Variants in CSMD1 observed in about 807,000 individuals in gnomAD.
CSMD1 encodes the protein CUB and sushi domain-containing protein 1.
Under a neutral mutation model 417.5 loss-of-function variants are expected in CSMD1, and 213 were observed. That is an observed-to-expected ratio of 0.51 (90% CI 0.46 to 0.57). The LOEUF (loss-of-function observed/expected upper bound fraction) is 0.57. Ranked by LOEUF, CSMD1 falls within the 20% of genes least tolerant of loss-of-function variation. The pLI is 0.00. For missense variants in CSMD1, 6,923 were observed against 4,529.7 expected (o/e 1.53, Z -15.17); for synonymous variants, 2,862 against 1,736.8 (o/e 1.65, Z -16.11).
chr8:4,448,291 A>T (rs576637863), intron 2 of CSMD1, among the ~76,000 whole-genome samples: 1 of 152,302 alleles, frequency 6.6e-6, no homozygotes, highest in African/African-American at 2.4e-5. Flanking sequence ...TAACACAAAA[A>T]AGGGTACATT....
intron 3 of CSMD1, among the ~76,000 whole-genome samples, chr8:4,175,870 G>A (rs574799162): frequency 4.5e-4 from 68 of 152,260 alleles, no homozygotes; most frequent in African/African-American, 1.0e-3. Context: ...GTTACCAAGC[G>A]AGTAATGGGG....
At chr8:4,223,682 T>A (rs28667918) in intron 3 of CSMD1, among the ~76,000 whole-genome samples, 62,288 of 152,102 alleles carry the variant, frequency 0.41, 13,190 homozygotes, top group South Asian at 0.61. Context: ...GAAAAATCAT[T>A]TGACTTCCAG....
intron 23 of CSMD1, among the ~76,000 whole-genome samples, chr8:3,311,640 T>C (rs566820359): frequency 6.6e-6 from 1 of 152,338 alleles, no homozygotes; most frequent in East Asian, 1.9e-4. Flanking sequence ...GATGGTTGCA[T>C]GGGTGCCCAA....
chr8:4,922,248 G>A (rs1316279453), intron 1 of CSMD1, among the ~76,000 whole-genome samples: 1 of 152,128 alleles, frequency 6.6e-6, no homozygotes, highest in Non-Finnish European at 1.5e-5. Flanking sequence ...TCTAATGGCA[G>A]ATGATACGTA....
chr8:4,439,927 A>C (rs1798369939), intron 2 of CSMD1, among the ~76,000 whole-genome samples: 1 of 152,210 alleles, frequency 6.6e-6, no homozygotes, highest in African/African-American at 2.4e-5. Context: ...AAGGAGTAAT[A>C]ATATATGTTT....
intron 3 of CSMD1, among the ~76,000 whole-genome samples, chr8:4,175,467 A>C (rs1034478140): frequency 1.3e-5 from 2 of 152,164 alleles, no homozygotes. Context: ...TAGCAAAAGC[A>C]TCCAAAATTG....
At chr8:4,743,519 T>C (rs1261967133) in intron 1 of CSMD1, among the ~76,000 whole-genome samples, 2 of 152,160 alleles carry the variant, frequency 1.3e-5, no homozygotes, top group Non-Finnish European at 1.5e-5. Flanking sequence ...TGCTTTGAGT[T>C]CATGATGTTC....
At chr8:4,961,136 C>G (rs747692002) in intron 1 of CSMD1, among the ~76,000 whole-genome samples, 8 of 152,168 alleles carry the variant, frequency 5.3e-5, no homozygotes, top group Non-Finnish European at 1.2e-4. Context: ...CTATGATTAA[C>G]TTCTTACCTT....
intron 49 of CSMD1, among the ~76,000 whole-genome samples, chr8:3,062,247 T>C (rs1812635421): frequency 6.6e-6 from 1 of 152,134 alleles, no homozygotes; most frequent in Non-Finnish European, 1.5e-5. Context: ...CATGTAGCCA[T>C]CATCCAATAT....
chr8:4,206,833 T>G (rs567249024), intron 3 of CSMD1, among the ~76,000 whole-genome samples: 1 of 152,226 alleles, frequency 6.6e-6, no homozygotes, highest in Non-Finnish European at 1.5e-5. Context: ...GAGTGATTAT[T>G]TTGTGGGCTC....
chr8:4,048,024 T>A (rs532273751), intron 3 of CSMD1, among the ~76,000 whole-genome samples: 4 of 152,162 alleles, frequency 2.6e-5, no homozygotes, highest in African/African-American at 9.6e-5. Flanking sequence ...TCAAACCGTT[T>A]TGCCCACTAA....
chr8:3,554,049 G>A (rs942338940), intron 10 of CSMD1, among the ~76,000 whole-genome samples: 1 of 152,204 alleles, frequency 6.6e-6, no homozygotes, highest in Non-Finnish European at 1.5e-5. Context: ...AGTTTTGAAA[G>A]ATGGGATGTG....
At chr8:3,241,045 TC>T (rs1418002015) in intron 26 of CSMD1, among the ~76,000 whole-genome samples, 4 of 148,502 alleles carry the variant, frequency 2.7e-5, no homozygotes, top group Non-Finnish European at 6.0e-5. Flanking sequence ...AGTAGAGGTA[TC>T]TCATACTTGT....
At chr8:3,412,343 AAGCTGTCAGT>A (rs1812864769) in intron 12 of CSMD1, among the ~76,000 whole-genome samples, 1 of 151,856 alleles carries the variant, frequency 6.6e-6, no homozygotes, top group Non-Finnish European at 1.5e-5. Flanking sequence ...CTTTCTAATC[AAGCTGTCAGT>A]TTTGGCAATG....
chr8:3,790,721 C>G (rs745444639), intron 5 of CSMD1, among the ~76,000 whole-genome samples: 1 of 152,220 alleles, frequency 6.6e-6, no homozygotes, highest in Non-Finnish European at 1.5e-5. Context: ...GACAAAAACA[C>G]CCAAACTTCT....
intron 26 of CSMD1, chr8:3,278,256 G>C (rs529934964): frequency 3.7e-4 from 57 of 152,320 alleles, no homozygotes; most frequent in African/African-American, 1.4e-3. Flanking sequence ...AAGATAGAGA[G>C]GTAGTGCAAC....
At chr8:3,374,624 A>G (rs1810192579) in intron 18 of CSMD1, among the ~76,000 whole-genome samples, 1 of 152,180 alleles carries the variant, frequency 6.6e-6, no homozygotes. Flanking sequence ...CACTCCCAGG[A>G]TGGTGAGTAT....
At chr8:3,749,137 A>C (rs1231105626) in intron 6 of CSMD1, among the ~76,000 whole-genome samples, 4 of 152,176 alleles carry the variant, frequency 2.6e-5, no homozygotes, top group African/African-American at 7.2e-5. Context: ...TAGACACTGA[A>C]AACGTCTAGA....
chr8:4,573,586 G>C (rs1466298084), intron 2 of CSMD1, among the ~76,000 whole-genome samples: 2 of 152,132 alleles, frequency 1.3e-5, no homozygotes, highest in Non-Finnish European at 2.9e-5. Flanking sequence ...CTCCCAGTCA[G>C]GAGGTATGGG....
Sources: gnomAD v4.1 joint callset for allele counts (sites outside exome capture counted in the v4.1 genomes callset) on GRCh38, gnomAD v4.1.1 for gene constraint, MANE v1.5 for transcripts, NCBI Gene and HGNC (gene_info 2026-07-23, HGNC 2026-07-21) for gene names.